Variants in IRAK3 observed in about 807,000 individuals in gnomAD.
IRAK3 encodes the protein interleukin 1 receptor associated kinase 3, also known as interleukin-1 receptor-associated kinase 3.
IRAK3 carries 57 observed loss-of-function variants against 56.6 expected under a neutral mutation model. The observed-to-expected ratio is 1.01, with a 90% CI of 0.81 to 1.26. The LOEUF is 1.26. Ranked by LOEUF, IRAK3 falls within the 50% of genes most tolerant of loss-of-function variation. The pLI, the probability that IRAK3 is intolerant of heterozygous loss-of-function variation, is 0.00. For missense variants in IRAK3, 703 were observed against 719.0 expected, an observed-to-expected ratio of 0.98 and a Z score of 0.25; for synonymous variants, 258 against 255.7, an observed-to-expected ratio of 1.01 and a Z score of -0.09.
chr12:66,249,065 A>G lies in IRAK3; in HGVS notation c.*894A>G, dbSNP rs1447767103. 6.6e-6 allele frequency: 1 copy of G among 152,042 alleles called. No individual in the cohort carries two copies. Among genetic ancestry groups the G allele is most frequent in the South Asian group, 2.1e-4 (1 of 4,828 alleles). 9.4% of individuals were successfully genotyped at this position (152,042 alleles called of 1,614,324 possible). ...CCTCCTGGAAGCTTCCCTAATCTCTACAACCAGAAGTACTCCCTTTATCAG... is the reference window on the plus strand; with the variant it reads ...CCTCCTGGAAGCTTCCCTAATCTCTGCAACCAGAAGTACTCCCTTTATCAG... On this transcript the variant is annotated 3_prime_UTR_variant, in exon 12 of 12. Coordinates refer to ENST00000261233, the MANE Select transcript of IRAK3 (RefSeq NM_007199.3).
chr12:66,224,788 A>G (rs1180335045), intron 6 of IRAK3, among the ~76,000 whole-genome samples: 3 of 152,186 alleles, frequency 2.0e-5, no homozygotes, highest in Admixed American at 6.5e-5. Flanking sequence ...CAGAGATTCA[A>G]TCCCAGGTTA....
chr12:66,205,040 A>G (rs1337365025), intron 2 of IRAK3, among the ~76,000 whole-genome samples: 1 of 152,214 alleles, frequency 6.6e-6, no homozygotes, highest in Non-Finnish European at 1.5e-5. Context: ...AAATTCAGTG[A>G]GTCCCTGGGA....
Position 66,247,850 on chromosome 12 carries a change from A to T in IRAK3, c.1470A>T (p.Leu490=). 6.2e-7 allele frequency: 1 copy of T among 1,614,152 alleles called. No individual in the cohort carries two copies. Among genetic ancestry groups the T allele is most frequent in the African/African-American group, 1.3e-5 (1 of 75,052 alleles). The change falls in exon 12 of 12, where the codon CTA becomes CTT. Residue 490 remains leucine, a synonymous_variant. Transcript: ENST00000261233. ...ATGAAAGCCAGAATAACAATTTACT[A>T]CCTTCTGATGAAGGCCTGAGGATAG... is the stretch of plus-strand genomic sequence containing the variant. ...EDDESQNNNL[L]PSDEGLRIDR...
chr12:66,229,453 G>GA (rs2052822506), intron 8 of IRAK3, among the ~76,000 whole-genome samples: 1 of 152,206 alleles, frequency 6.6e-6, no homozygotes, highest in South Asian at 2.1e-4. Context: ...CCAGTATCTT[G>GA]AAAAAAACTT....
At chr12:66,228,164 T>G in intron 7 of IRAK3, 88 bp from the exon 8 acceptor site, 1 of 965,410 alleles carries the variant, frequency 1.0e-6, no homozygotes, top group Non-Finnish European at 1.7e-6. Flanking sequence ...TGCTATCTAC[T>G]TCTATTCTGG....
chr12:66,226,511 G>T lies in IRAK3; in HGVS notation c.654-212G>T, dbSNP rs11465971. Among the ~76,000 whole-genome samples, 1,270 of 152,206 alleles carry T rather than the reference G, an allele frequency of 8.3e-3. 23 individuals carry two copies. Among genetic ancestry groups the T allele is most frequent in the African/African-American group, 0.028 (1,149 of 41,514 alleles). On this transcript the variant is annotated intron_variant, in intron 6 of 11. Transcript: ENST00000261233. ...CTAGCCTCTGCCTCCCACATTGCTG[G>T]GATTACAGGTTTGAGCCACTGCACC... is the stretch of plus-strand genomic sequence containing the variant.
rs1476016032 is a variant in IRAK3, at chr12:66,245,901, CATTT to C, written c.1314+644_1314+647del. On this transcript the variant is annotated intron_variant, in intron 11 of 11. Transcript: ENST00000261233. ...CTATCCATAGACTTAATCACCCATT[CATTT>C]ATTTGTTTATTTGCACAAATAAACA... 2.6e-5 allele frequency among the ~76,000 whole-genome samples: 4 copies of C among 152,010 alleles called. No homozygotes were observed. In the East Asian group the frequency reaches 5.8e-4, roughly 22 times the overall value.
rs2053116355 is a variant in IRAK3, at chr12:66,253,075, A to G, written c.*4904A>G. On this transcript the variant is annotated 3_prime_UTR_variant, in exon 12 of 12. Coordinates refer to ENST00000261233, the MANE Select transcript of IRAK3 (RefSeq NM_007199.3). Reference sequence around the variant, plus strand: ...TTTTTGGATCCCTAATGGCTGGCACAGTACCTGGTGCATAATATGGTTCAA... The same window carrying G: ...TTTTTGGATCCCTAATGGCTGGCACGGTACCTGGTGCATAATATGGTTCAA... 1 of 152,246 alleles carries G rather than the reference A, an allele frequency of 6.6e-6. No homozygotes were observed. Among genetic ancestry groups the G allele is most frequent in the Admixed American group, 6.5e-5 (1 of 15,282 alleles). The allele number at this position is 152,246 out of a possible 1,614,324, so 9.4% of individuals were successfully genotyped here.
chr12:66,242,786 C>G (rs569078196), intron 8 of IRAK3, among the ~76,000 whole-genome samples: 1 of 152,256 alleles, frequency 6.6e-6, no homozygotes, highest in South Asian at 2.1e-4. Flanking sequence ...CTTAAAAGAC[C>G]GCGGGGTCTG....
At position 66,251,014 on chromosome 12, in the gene IRAK3, T is replaced by C. The variant is rs2053093976; in HGVS notation, c.*2843T>C. Reference sequence around the variant, plus strand: ...CCTACCTTTCCATCACTGGTATGTTTTTTGAGAAAAGGATCCTTTCTTTTC... The same window carrying C: ...CCTACCTTTCCATCACTGGTATGTTCTTTGAGAAAAGGATCCTTTCTTTTC... On this transcript the variant is annotated 3_prime_UTR_variant, in exon 12 of 12. Transcript: ENST00000261233. 6.6e-6 allele frequency: 1 copy of C among 152,212 alleles called. No homozygotes were observed. The highest frequency in any genetic ancestry group is 2.4e-5 in the African/African-American group (1 of 41,442). 9.4% of individuals were successfully genotyped at this position (152,212 alleles called of 1,614,324 possible). A position where few individuals can be genotyped will look rare whatever the true frequency, so the allele number is the denominator to read the frequency against.
In IRAK3 at chr12:66,245,273, A is replaced by G. The variant is rs1216439944; in HGVS notation, c.1314+11A>G. The G allele has an allele frequency of 1.2e-6, 2 of 1,613,772 alleles. No homozygotes were observed. Among genetic ancestry groups the G allele is most frequent in the Non-Finnish European group, 1.7e-6 (2 of 1,179,694 alleles). ...CCATCAATGGATGAAGTGAGTATAT[A>G]CATGGTTTTATTCAAAACTGAGCCC... On this transcript the variant is annotated intron_variant, in intron 11 of 11. Coordinates refer to ENST00000261233, the MANE Select transcript of IRAK3 (RefSeq NM_007199.3).
At chr12:66,244,865 A>G in intron 9 of IRAK3, 83 bp from the exon 10 acceptor site, 2 of 1,021,816 alleles carry the variant, frequency 2.0e-6, no homozygotes, top group Admixed American at 1.7e-5. Flanking sequence ...AATGAACTAT[A>G]TTCATAGTCA....
Position 66,202,641 on chromosome 12 carries a change from A to G in IRAK3, c.134-1070A>G, listed in dbSNP as rs59800391. On this transcript the variant is annotated intron_variant, in intron 1 of 11. Transcript: ENST00000261233. ...AAAAAAGAAAAAAAAAACCCACACA[A>G]ATACAAAAATGTGCTGGGCATGGTG... 9.8e-3 allele frequency among the ~76,000 whole-genome samples: 1,487 copies of G among 151,834 alleles called. 18 individuals carry two copies. Among genetic ancestry groups the G allele is most frequent in the African/African-American group, 0.034 (1,415 of 41,404 alleles).
intron 8 of IRAK3, among the ~76,000 whole-genome samples, chr12:66,240,886 C>G (rs2052962768): frequency 1.3e-5 from 2 of 150,900 alleles, no homozygotes; most frequent in African/African-American, 4.9e-5. Flanking sequence ...ATCTCTCTCT[C>G]TTTAAAAACC....
chr12:66,239,240 C>T (rs1152911), intron 8 of IRAK3, among the ~76,000 whole-genome samples: 120,402 of 151,580 alleles, frequency 0.79, 51,235 homozygotes, highest in Non-Finnish European at 0.94. Context: ...AACAGTCTTT[C>T]ATACAAGGGA....
chr12:66,212,455 G>C (rs1274294872), intron 5 of IRAK3, among the ~76,000 whole-genome samples: 1 of 152,112 alleles, frequency 6.6e-6, no homozygotes, highest in Non-Finnish European at 1.5e-5. Context: ...AAACACAGAA[G>C]AGCTGCTCTT....
In IRAK3 at chr12:66,248,016, A is replaced by G. The variant is rs2053054674; in HGVS notation, c.1636A>G (p.Lys546Glu). The change falls in exon 12 of 12, where the codon AAG becomes GAG. Residue 546 changes from lysine to glutamate, a missense_variant. Physicochemically the swap from Lys to Glu is moderately conservative, Grantham distance 56 (BLOSUM62 1). Transcript: ENST00000261233. ...TTCTTGTGAAGAAAGTTGGTTCCCA[A>G]AGTATATAGTTCCATCCCAGGACTT... ...SSSCEESWFPKYIVPSQDLRP... is the reference protein window; with the variant it reads ...SSSCEESWFPEYIVPSQDLRP... 4 of 1,598,816 alleles carry G rather than the reference A, an allele frequency of 2.5e-6. No homozygotes were observed. The highest frequency in any genetic ancestry group is 1.7e-5 in the Admixed American group (1 of 57,548).
chr12:66,220,856 C>T (rs1167423404), intron 6 of IRAK3, among the ~76,000 whole-genome samples: 1 of 152,108 alleles, frequency 6.6e-6, no homozygotes, highest in Non-Finnish European at 1.5e-5. Context: ...TGTTTTGGGT[C>T]TTTCATGGTT....
Position 66,209,507 on chromosome 12 carries a change from A to G in IRAK3, c.368A>G (p.Asn123Ser). Reference protein sequence around the residue: ...EKSYQEGGFPNILFKETANVT... With the variant: ...EKSYQEGGFPSILFKETANVT... ...AGTTATCAGGAAGGTGGATTTCCAA[A>G]TATATTATTCAAGGTAGAGTATGTG... The change falls in exon 3 of 12, where the codon AAT becomes AGT. Residue 123 changes from asparagine to serine, a missense_variant. By Grantham distance (46) the Asn-to-Ser change is conservative. Transcript: ENST00000261233. The G allele has an allele frequency of 1.3e-6, 2 of 1,584,344 alleles. No individual in the cohort carries two copies. The highest frequency in any genetic ancestry group is 2.7e-5 in the African/African-American group (2 of 74,396).
Sources: gnomAD v4.1 joint callset for allele counts (sites outside exome capture counted in the v4.1 genomes callset) on GRCh38, gnomAD v4.1.1 for gene constraint, MANE v1.5 for transcripts, NCBI Gene and HGNC (gene_info 2026-07-23, HGNC 2026-07-21) for gene names.